The following DNAH12 variants were observed in gnomAD, a reference collection of about 807,000 sequenced individuals.
DNAH12 encodes axonemal beta dynein heavy chain 12.
DNAH12 carries 285 observed loss-of-function variants against 371.5 expected under a neutral mutation model. That is an observed-to-expected ratio of 0.77 (90% CI 0.70 to 0.85). The LOEUF (loss-of-function observed/expected upper bound fraction) is 0.85, where lower values mean the gene tolerates loss of function less well. DNAH12 is among the 40% of genes least tolerant of loss of function. DNAH12 has a pLI of 0.00. For synonymous variants in DNAH12, 1,200 were observed against 1,213.0 expected (o/e 0.99, Z 0.22); for missense variants, 3,611 against 3,689.4 (o/e 0.98, Z 0.55).
intron 69 of DNAH12, among the ~76,000 whole-genome samples, chr3:57,304,635 G>A (rs1048568629): frequency 6.6e-6 from 1 of 152,156 alleles, no homozygotes; most frequent in Non-Finnish European, 1.5e-5. Context: ...TAATCACGCA[G>A]GGGACACCTG....
intron 60 of DNAH12, among the ~76,000 whole-genome samples, chr3:57,350,827 G>A (rs1273291411): frequency 6.6e-6 from 1 of 152,182 alleles, no homozygotes; most frequent in Non-Finnish European, 1.5e-5. Flanking sequence ...ATGGACAAGT[G>A]ATGTGAACAA....
chr3:57,481,312 C>A (rs1210249268), intron 13 of DNAH12, among the ~76,000 whole-genome samples: 1 of 152,158 alleles, frequency 6.6e-6, no homozygotes, highest in African/African-American at 2.4e-5. Flanking sequence ...AGTGAACTCC[C>A]ATTCACAATT....
In DNAH12 at chr3:57,461,701, G is replaced by T; in HGVS notation, c.2536-12C>A. 6.5e-7 allele frequency: 1 copy of T among 1,546,920 alleles called. No homozygotes were observed. Among genetic ancestry groups the T allele is most frequent in the Non-Finnish European group, 8.7e-7 (1 of 1,144,654 alleles). ...TCTAATGAAAATTCCTAAAACGGAG[G>T]AATGAAGAAAGAACGGGATGGTGAA... On this transcript the variant is annotated splice_polypyrimidine_tract_variant and intron_variant, in intron 18 of 73. Transcript: ENST00000495027.
chr3:57,542,617 C>A, intron 2 of DNAH12, 84 bp downstream of exon 2: 1 of 1,433,956 alleles, frequency 7.0e-7, no homozygotes, highest in Non-Finnish European at 9.2e-7. Flanking sequence ...ACAACCTCCA[C>A]AGTTAAAACT....
At chr3:57,433,873 G>A (rs954553224) in intron 30 of DNAH12, 45 bp from the exon 31 acceptor site, 2 of 1,406,018 alleles carry the variant, frequency 1.4e-6, no homozygotes, top group African/African-American at 1.5e-5. Flanking sequence ...TCTTTAAAGA[G>A]TTAAATAATT....
chr3:57,399,394 T>TAA (rs1241243402), intron 43 of DNAH12, among the ~76,000 whole-genome samples: 1 of 151,666 alleles, frequency 6.6e-6, no homozygotes, highest in African/African-American at 2.4e-5. Flanking sequence ...CCAAATGGAT[T>TAA]AAAAAAAAGA....
chr3:57,502,498 A>G lies in DNAH12; in HGVS notation c.1087-19T>C. 6.2e-7 allele frequency: 1 copy of G among 1,606,330 alleles called. No individual in the cohort carries two copies. Among genetic ancestry groups the G allele is most frequent in the Non-Finnish European group, 8.5e-7 (1 of 1,174,016 alleles). On this transcript the variant is annotated intron_variant, in intron 9 of 73. Transcript: ENST00000495027. ...GGACATTCTAACACAAATAAAAATA[A>G]TAACAATGTATACAATAAATATCTA...
intron 39 of DNAH12, among the ~76,000 whole-genome samples, chr3:57,409,340 A>G (rs139842876): frequency 6.6e-6 from 1 of 152,320 alleles, no homozygotes; most frequent in African/African-American, 2.4e-5. Flanking sequence ...GTATGAAAAT[A>G]TGGTTTTTGG....
intron 37 of DNAH12, among the ~76,000 whole-genome samples, chr3:57,419,061 T>C (rs2064481703): frequency 6.6e-6 from 1 of 152,210 alleles, no homozygotes; most frequent in Non-Finnish European, 1.5e-5. Flanking sequence ...GCTGAATCTT[T>C]AATTAGACTG....
rs1216983856 is a variant in DNAH12 at position 57,502,297 on chromosome 3, T to C, written c.1243+26A>G. On this transcript the variant is annotated intron_variant, in intron 10 of 73. Transcript: ENST00000495027. ...GCACAAATAAAGTGATGACAAATGG[T>C]ATAATATTATGTATGTCATACACAC... The C allele has an allele frequency of 2.5e-6, 4 of 1,612,230 alleles. No individual in the cohort carries two copies. In the Admixed American group the frequency reaches 6.7e-5, roughly 27 times the overall value.
chr3:57,348,726 A>G (rs1347794892), intron 60 of DNAH12, among the ~76,000 whole-genome samples: 1 of 152,226 alleles, frequency 6.6e-6, no homozygotes, highest in Non-Finnish European at 1.5e-5. Context: ...AGAACTAAGG[A>G]AAATCGAGTG....
chr3:57,478,170 C>T (rs1262221095), intron 13 of DNAH12, among the ~76,000 whole-genome samples: 1 of 151,946 alleles, frequency 6.6e-6, no homozygotes, highest in Non-Finnish European at 1.5e-5. Flanking sequence ...AAGTTAAAGA[C>T]CTTGAAAAAA....
intron 29 of DNAH12, among the ~76,000 whole-genome samples, chr3:57,442,121 A>C (rs1248495744): frequency 2.0e-5 from 3 of 152,182 alleles, no homozygotes; most frequent in Admixed American, 1.3e-4. Flanking sequence ...GATTAAATAA[A>C]GACATTTTCA....
chr3:57,371,463 G>A (rs957713430), intron 55 of DNAH12, among the ~76,000 whole-genome samples: 1 of 151,868 alleles, frequency 6.6e-6, no homozygotes, highest in African/African-American at 2.4e-5. Flanking sequence ...TCACCGAATT[G>A]TACAATTTAA....
In DNAH12 at chr3:57,507,635, G is replaced by A. The variant is rs199802993; in HGVS notation, c.897+8C>T. On this transcript the variant is annotated splice_region_variant and intron_variant, in intron 8 of 73. Transcript: ENST00000495027. The stretch of plus-strand genomic sequence containing the variant: ...CATTATCATTTAATATATATAAAGT[G>A]TATGTACCTGATTTGACATAAGTGT... 8 of 1,581,636 alleles carry A rather than the reference G, an allele frequency of 5.1e-6. No individual in the cohort carries two copies. Among genetic ancestry groups the A allele is most frequent in the East Asian group, 4.5e-5 (2 of 44,122 alleles).
At chr3:57,550,901 T>G in the DNAH12 span, among the ~76,000 whole-genome samples, 7 of 149,252 alleles carry the variant, frequency 4.7e-5, no homozygotes, top group African/African-American at 7.4e-5. Flanking sequence ...TTTTTTGAGA[T>G]GGAGTCTCGC....
chr3:57,436,879 G>A (rs1156611220), intron 30 of DNAH12, 72 bp downstream of exon 30: 2 of 1,102,498 alleles, frequency 1.8e-6, no homozygotes, highest in African/African-American at 1.7e-5. Context: ...CAAGTCTTTG[G>A]TTCATGGATT....
At chr3:57,408,645 A>C (rs2064111486) in intron 39 of DNAH12, 110 bp from the exon 40 acceptor site, 1 of 1,295,602 alleles carries the variant, frequency 7.7e-7, no homozygotes, top group African/African-American at 1.5e-5. Flanking sequence ...CTCTAAAAGG[A>C]ATAACTTCAG....
At chr3:57,523,712 CT>C (rs1224751594) in intron 3 of DNAH12, 90 bp downstream of exon 3, 1 of 1,296,332 alleles carries the variant, frequency 7.7e-7, no homozygotes, top group African/African-American at 1.5e-5. Flanking sequence ...TCTATTATTC[CT>C]TTTAAAAACA....
Sources: allele counts gnomAD v4.1 joint callset (sites outside exome capture counted in the v4.1 genomes callset), GRCh38; gene constraint gnomAD v4.1.1; transcripts MANE v1.5; gene names NCBI Gene and HGNC (gene_info 2026-07-23, HGNC 2026-07-21).